PSD3: variants seen among roughly 807,000 people sequenced by gnomAD.
PSD3 encodes PH and SEC7 domain-containing protein 3.
Under a neutral mutation model 105.5 loss-of-function variants are expected in PSD3, and 49 were observed. The ratio of observed to expected loss-of-function variants is 0.46; its 90% confidence interval spans 0.37 to 0.59. The LOEUF is 0.59. Ranked by LOEUF, PSD3 falls within the 20% of genes least tolerant of loss-of-function variation. The pLI, the probability that PSD3 is intolerant of heterozygous loss-of-function variation, is 0.00. For synonymous variants in PSD3, 557 were observed against 457.8 expected (o/e 1.22, Z -2.77); for missense variants, 1,561 against 1,263.8 (o/e 1.24, Z -3.57).
rs150517140 is a variant in PSD3, at chr8:18,614,340, TC to T, written c.2411-13907del. Reference sequence around the variant, plus strand: ...GAGCAGATTAACCCCTTCTCCCCCATCCCCCCCCCAAAAAAATCAGATGTCC... The same window carrying T: ...GAGCAGATTAACCCCTTCTCCCCCATCCCCCCCCAAAAAAATCAGATGTCC... On this transcript the variant is annotated intron_variant, in intron 11 of 15. Transcript: ENST00000327040. Among the ~76,000 whole-genome samples the T allele has an allele frequency of 2.3e-4, 22 of 93,694 alleles. 2 individuals carry two copies. Among genetic ancestry groups the T allele is most frequent in the Admixed American group, 3.5e-4 (3 of 8,624 alleles). The allele number at this position is 93,694 out of a possible 152,430, so 61.5% of individuals were successfully genotyped here.
chr8:18,950,509 G>A (rs1823168249), intron 1 of PSD3, among the ~76,000 whole-genome samples: 1 of 152,118 alleles, frequency 6.6e-6, no homozygotes, highest in Non-Finnish European at 1.5e-5. Context: ...CTGAGGCTTT[G>A]CACCCTCTGG....
intron 12 of PSD3, among the ~76,000 whole-genome samples, chr8:18,584,343 G>C (rs1409580408): frequency 6.6e-6 from 1 of 152,178 alleles, no homozygotes; most frequent in Non-Finnish European, 1.5e-5. Flanking sequence ...AACAGTTAGA[G>C]ACCTCTCCCC....
intron 2 of PSD3, among the ~76,000 whole-genome samples, chr8:18,886,008 C>T (rs1369051472): frequency 1.3e-5 from 2 of 152,100 alleles, no homozygotes; most frequent in Non-Finnish European, 2.9e-5. Flanking sequence ...TTCAGGCACA[C>T]AGATGGAAAG....
intron 1 of PSD3, among the ~76,000 whole-genome samples, chr8:19,045,384 CAT>C (rs1446247252): frequency 6.6e-6 from 1 of 152,118 alleles, no homozygotes; most frequent in African/African-American, 2.4e-5. Flanking sequence ...ATATCCCTCT[CAT>C]ATATCTCTCA....
intron 1 of PSD3, among the ~76,000 whole-genome samples, chr8:19,065,915 C>T (rs1206957883): frequency 6.6e-6 from 1 of 152,196 alleles, no homozygotes; most frequent in Non-Finnish European, 1.5e-5. Context: ...TGACCGCCTC[C>T]AATCTGAAGC....
rs73666686 is a variant in PSD3 at position 18,658,167 on chromosome 8, C to G, written c.2173-2482G>C. On this transcript the variant is annotated intron_variant, in intron 9 of 15. Transcript: ENST00000327040. ...GAATAGAATTTTTTTTGTAGCATGCCGAATCCAGACAGTGGGTGTCATCCC... is the reference window on the plus strand; with the variant it reads ...GAATAGAATTTTTTTTGTAGCATGCGGAATCCAGACAGTGGGTGTCATCCC... Among the ~76,000 whole-genome samples the G allele has an allele frequency of 1.5e-3, 235 of 152,212 alleles. 1 individual carries two copies. Among genetic ancestry groups the G allele is most frequent in the African/African-American group, 5.6e-3 (231 of 41,510 alleles).
intron 11 of PSD3, among the ~76,000 whole-genome samples, chr8:18,614,934 C>G (rs890008010): frequency 1.3e-5 from 2 of 152,020 alleles, no homozygotes; most frequent in Admixed American, 6.5e-5. Flanking sequence ...CTGCACAGGC[C>G]TCATAATTCT....
intron 10 of PSD3, among the ~76,000 whole-genome samples, chr8:18,635,912 G>C (rs1807213922): frequency 6.6e-6 from 1 of 151,968 alleles, no homozygotes; most frequent in African/African-American, 2.4e-5. Flanking sequence ...AGGGGAGGGA[G>C]GAGAGCATTA....
intron 9 of PSD3, among the ~76,000 whole-genome samples, chr8:18,738,245 T>C (rs567603607): frequency 1.2e-3 from 182 of 152,256 alleles, no homozygotes; most frequent in African/African-American, 3.9e-3. Context: ...GGGAAAACCA[T>C]GGCAGTGAGA....
intron 15 of PSD3, among the ~76,000 whole-genome samples, chr8:18,555,848 G>A (rs1174083927): frequency 6.6e-6 from 1 of 152,168 alleles, no homozygotes; most frequent in Non-Finnish European, 1.5e-5. Context: ...TTCCTCCCTT[G>A]TGCTTTTTTT....
At chr8:18,634,993 C>T (rs1186847004) in intron 10 of PSD3, among the ~76,000 whole-genome samples, 1 of 152,104 alleles carries the variant, frequency 6.6e-6, no homozygotes, top group Non-Finnish European at 1.5e-5. Context: ...TAAAGGTTCC[C>T]TCATTTATTC....
chr8:18,919,628 C>T (rs555202857), intron 2 of PSD3, among the ~76,000 whole-genome samples: 1 of 152,078 alleles, frequency 6.6e-6, no homozygotes, highest in African/African-American at 2.4e-5. Context: ...TCACCTGCAG[C>T]CCAAGACCAC....
In PSD3 at chr8:18,588,127, C is replaced by A. The variant is rs142586713; in HGVS notation, c.2481+12237G>T. On this transcript the variant is annotated intron_variant, in intron 12 of 15. Coordinates refer to ENST00000327040, the MANE Select transcript of PSD3 (RefSeq NM_015310.4). ...CCAAAGAACGCTATGATGCAAAAGT[C>A]TGCTCAGCAGCAGGCAGTATCCTAT... Among the ~76,000 whole-genome samples, 115 of 152,308 alleles carry A rather than the reference C, an allele frequency of 7.6e-4. 1 individual carries two copies. Among genetic ancestry groups the A allele is most frequent in the African/African-American group, 2.6e-3 (110 of 41,576 alleles).
At chr8:19,006,919 G>A (rs777047022) in intron 1 of PSD3, among the ~76,000 whole-genome samples, 1 of 152,000 alleles carries the variant, frequency 6.6e-6, no homozygotes, top group Non-Finnish European at 1.5e-5. Flanking sequence ...GATTCAAAGA[G>A]GGCTAGAAAT....
At position 18,840,882 on chromosome 8, in the gene PSD3, C is replaced by G. The variant is rs1814563195; in HGVS notation, c.1634+26792G>C. ...TCCAATTTCACTATTAACGGTGTGACATTGGGCAAGTTGTCTTACTTCCTC... is the reference window on the plus strand; with the variant it reads ...TCCAATTTCACTATTAACGGTGTGAGATTGGGCAAGTTGTCTTACTTCCTC... On this transcript the variant is annotated intron_variant, in intron 4 of 15. Coordinates refer to ENST00000327040, the MANE Select transcript of PSD3 (RefSeq NM_015310.4). Among the ~76,000 whole-genome samples the G allele has an allele frequency of 2.0e-5, 3 of 152,298 alleles. No individual in the cohort carries two copies. In the South Asian group the frequency reaches 6.2e-4, roughly 32 times the overall value.
chr8:19,013,692 C>G lies in PSD3; in HGVS notation c.-109G>C. Reference sequence around the variant, plus strand: ...AGCGCCGCGTGCTCTTTGTTGAGCTCCCGGGACTGCCGAGAGGCGGCGGCC... The same window carrying G: ...AGCGCCGCGTGCTCTTTGTTGAGCTGCCGGGACTGCCGAGAGGCGGCGGCC... On this transcript the variant is annotated 5_prime_UTR_variant, in exon 1 of 16. Coordinates refer to ENST00000327040, the MANE Select transcript of PSD3 (RefSeq NM_015310.4). The G allele has an allele frequency of 2.0e-6, 2 of 994,932 alleles. No individual in the cohort carries two copies. The highest frequency in any genetic ancestry group is 2.5e-6 in the Non-Finnish European group (2 of 791,466). 61.6% of individuals were successfully genotyped at this position (994,932 alleles called of 1,614,324 possible).
At position 18,793,964 on chromosome 8, in the gene PSD3, G is replaced by T. The variant is rs1457073819; in HGVS notation, c.2082+5331C>A. ...AATATGAAGCTGTGGGGAAAAGCAA[G>T]AGAGATCAGATTGTTACTGTGTCTG... On this transcript the variant is annotated intron_variant, in intron 8 of 15. Coordinates refer to ENST00000327040, the MANE Select transcript of PSD3 (RefSeq NM_015310.4). Among the ~76,000 whole-genome samples the T allele has an allele frequency of 1.4e-4, 2 of 14,448 alleles. 1 individual carries two copies. Among genetic ancestry groups the T allele is most frequent in the African/African-American group, 2.6e-4 (2 of 7,748 alleles). The allele number at this position is 14,448 out of a possible 152,430, so 9.5% of individuals were successfully genotyped here. A position where few individuals can be genotyped will look rare whatever the true frequency, so the allele number is the denominator to read the frequency against.
chr8:18,642,852 A>C (rs1279072080), intron 10 of PSD3, among the ~76,000 whole-genome samples: 1 of 152,224 alleles, frequency 6.6e-6, no homozygotes, highest in Non-Finnish European at 1.5e-5. Context: ...TTTTTTAAAA[A>C]AATTTGGCCT....
intron 9 of PSD3, among the ~76,000 whole-genome samples, chr8:18,705,179 T>C (rs17645002): frequency 0.026 from 3,915 of 152,210 alleles, 354 homozygotes; most frequent in East Asian, 0.17. Context: ...AAAAAATGTT[T>C]AGTTGAAGCA....
Sources: allele counts gnomAD v4.1 joint callset (sites outside exome capture counted in the v4.1 genomes callset), GRCh38; gene constraint gnomAD v4.1.1; transcripts MANE v1.5; gene names NCBI Gene and HGNC (gene_info 2026-07-23, HGNC 2026-07-21).